The following CCDC178 variants were observed in gnomAD, a reference collection of about 807,000 sequenced individuals.
CCDC178 encodes the protein coiled-coil domain-containing protein 178.
A neutral mutation model predicts 117.4 loss-of-function variants in CCDC178; 126 were observed. That is an observed-to-expected ratio of 1.07 (90% CI 0.93 to 1.24). The LOEUF (loss-of-function observed/expected upper bound fraction) is 1.24. CCDC178 is among the 50% of genes most tolerant of loss of function. The probability of loss-of-function intolerance (pLI) is 0.00; values close to 1 mark genes in which losing one functional copy is unlikely to be tolerated. For synonymous variants in CCDC178, 283 were observed against 313.4 expected, an observed-to-expected ratio of 0.90 and a Z score of 1.02; for missense variants, 1,030 against 986.9, an observed-to-expected ratio of 1.04 and a Z score of -0.59.
At chr18:33,085,272 G>A (rs766701423) in intron 21 of CCDC178, among the ~76,000 whole-genome samples, 57 of 152,126 alleles carry the variant, frequency 3.7e-4, no homozygotes, top group Admixed American at 3.5e-3. Flanking sequence ...TATTTAAAAC[G>A]TATTTTTGGG....
intron 20 of CCDC178, among the ~76,000 whole-genome samples, chr18:33,136,948 T>C (rs547556061): frequency 1.1e-4 from 17 of 152,294 alleles, no homozygotes; most frequent in African/African-American, 3.6e-4. Context: ...GTTGAGGCCA[T>C]AGTGGTGAGC....
intron 20 of CCDC178, among the ~76,000 whole-genome samples, chr18:33,169,786 A>G (rs138371910): frequency 1.3e-5 from 2 of 152,314 alleles, no homozygotes; most frequent in East Asian, 3.9e-4. Flanking sequence ...TGGCTTGATT[A>G]TATTAGAAAA....
chr18:33,043,747 G>T (rs1197274832), intron 21 of CCDC178, among the ~76,000 whole-genome samples: 1 of 151,836 alleles, frequency 6.6e-6, no homozygotes, highest in Non-Finnish European at 1.5e-5. Context: ...GATTTAAAAA[G>T]AAATTATAGT....
chr18:33,148,851 A>G (rs2058306789), intron 20 of CCDC178, among the ~76,000 whole-genome samples: 1 of 152,136 alleles, frequency 6.6e-6, no homozygotes, highest in Non-Finnish European at 1.5e-5. Context: ...ACATTTTTGT[A>G]ACCAGAAGGG....
intron 21 of CCDC178, among the ~76,000 whole-genome samples, chr18:33,020,414 A>G (rs1271296452): frequency 2.0e-5 from 3 of 152,194 alleles, no homozygotes; most frequent in Non-Finnish European, 2.9e-5. Flanking sequence ...GCCATAGTAT[A>G]GAAATAATTG....
chr18:33,156,641 C>CAAAAAAAA (rs35712594), intron 20 of CCDC178, among the ~76,000 whole-genome samples: 2 of 99,240 alleles, frequency 2.0e-5, no homozygotes, highest in African/African-American at 4.0e-5. Context: ...TCCTCCCTCT[C>CAAAAAAAA]AAAAAAAAAA....
intron 3 of CCDC178, among the ~76,000 whole-genome samples, chr18:33,403,195 T>C (rs2063733328): frequency 6.6e-6 from 1 of 152,084 alleles, no homozygotes; most frequent in Admixed American, 6.6e-5. Flanking sequence ...GGATGAGTGT[T>C]GAAGATGTAT....
At chr18:33,207,766 C>CCACATAT (rs1367949781) in intron 20 of CCDC178, among the ~76,000 whole-genome samples, 1 of 151,934 alleles carries the variant, frequency 6.6e-6, no homozygotes, top group African/African-American at 2.4e-5. Flanking sequence ...ATAGTATTAG[C>CCACATAT]AGTAATTCTG....
intron 2 of CCDC178, among the ~76,000 whole-genome samples, chr18:33,423,754 G>GA (rs2064068909): frequency 1.3e-5 from 2 of 151,986 alleles, no homozygotes; most frequent in East Asian, 3.9e-4. Context: ...TTTTTTAATG[G>GA]AAAAAAGCAT....
intron 11 of CCDC178, among the ~76,000 whole-genome samples, chr18:33,309,547 A>G (rs940769189): frequency 2.0e-5 from 3 of 152,196 alleles, no homozygotes; most frequent in African/African-American, 7.2e-5. Flanking sequence ...CCAATTAAAA[A>G]GGGGTTATAA....
intron 20 of CCDC178, among the ~76,000 whole-genome samples, chr18:33,112,029 C>T (rs1289762406): frequency 1.3e-5 from 2 of 151,678 alleles, no homozygotes; most frequent in Admixed American, 1.3e-4. Context: ...GAGAAAGTTT[C>T]AAATCAATGA....
chr18:33,103,600 T>C (rs1309931881), intron 20 of CCDC178, among the ~76,000 whole-genome samples: 1 of 150,810 alleles, frequency 6.6e-6, no homozygotes, highest in Non-Finnish European at 1.5e-5. Context: ...AAAAAAGAAA[T>C]CTTTGTGAGC....
At chr18:33,149,100 A>G (rs1406589107) in intron 20 of CCDC178, among the ~76,000 whole-genome samples, 1 of 152,204 alleles carries the variant, frequency 6.6e-6, no homozygotes, top group Non-Finnish European at 1.5e-5. Flanking sequence ...TGTTGGGATG[A>G]AGAATCACCA....
At chr18:33,351,709 A>AT (rs531247259) in intron 7 of CCDC178, among the ~76,000 whole-genome samples, 1 of 151,698 alleles carries the variant, frequency 6.6e-6, no homozygotes, top group Non-Finnish European at 1.5e-5. Context: ...CACCTGGCTC[A>AT]TTTTTTCATT....
At chr18:33,409,025 A>C (rs1465340805) in intron 3 of CCDC178, among the ~76,000 whole-genome samples, 1 of 152,210 alleles carries the variant, frequency 6.6e-6, no homozygotes, top group African/African-American at 2.4e-5. Flanking sequence ...CAATTTGAAA[A>C]AGATTGGTAA....
intron 2 of CCDC178, among the ~76,000 whole-genome samples, chr18:33,423,981 G>A (rs1352396592): frequency 6.6e-6 from 1 of 152,068 alleles, no homozygotes; most frequent in Non-Finnish European, 1.5e-5. Flanking sequence ...TAATAGCTTT[G>A]ATATAGCTAT....
At chr18:33,122,983 G>C (rs2057957258) in intron 20 of CCDC178, among the ~76,000 whole-genome samples, 1 of 152,104 alleles carries the variant, frequency 6.6e-6, no homozygotes, top group Non-Finnish European at 1.5e-5. Context: ...ACATGATAGA[G>C]TTCAACGAAG....
chr18:33,117,539 G>C (rs2057874224), intron 20 of CCDC178, among the ~76,000 whole-genome samples: 1 of 152,000 alleles, frequency 6.6e-6, no homozygotes, highest in Admixed American at 6.6e-5. Context: ...TTGGACACAG[G>C]AAGGGGAACA....
chr18:33,244,276 G>C (rs2059521476), intron 15 of CCDC178, among the ~76,000 whole-genome samples: 1 of 151,880 alleles, frequency 6.6e-6, no homozygotes, highest in Non-Finnish European at 1.5e-5. Context: ...AAATAGCAAA[G>C]ACAGGAGACA....
Sources: gnomAD v4.1 joint callset for allele counts (sites outside exome capture counted in the v4.1 genomes callset) on GRCh38, gnomAD v4.1.1 for gene constraint, MANE v1.5 for transcripts, NCBI Gene and HGNC (gene_info 2026-07-23, HGNC 2026-07-21) for gene names.